Variants in GMDS observed in about 807,000 individuals in gnomAD.
GMDS encodes the protein GDP-mannose 4,6-dehydratase.
Under a neutral mutation model 49.9 loss-of-function variants are expected in GMDS, and 20 were observed. The ratio of observed to expected loss-of-function variants is 0.40; its 90% CI spans 0.28 to 0.58. The LOEUF (loss-of-function observed/expected upper bound fraction) is 0.58. Among genes scored for constraint, GMDS ranks in the 20% least tolerant of loss-of-function variants. The pLI, the probability that GMDS is intolerant of heterozygous loss-of-function variation, is 0.42. For missense variants in GMDS, 362 were observed against 481.4 expected, an observed-to-expected ratio of 0.75 and a Z score of 2.32; for synonymous variants, 177 against 178.6, an observed-to-expected ratio of 0.99 and a Z score of 0.07.
chr6:2,190,896 G>T (rs1417562657), intron 1 of GMDS, among the ~76,000 whole-genome samples: 1 of 152,090 alleles, frequency 6.6e-6, no homozygotes, highest in East Asian at 1.9e-4. Flanking sequence ...AAACTGTGCT[G>T]CCCCCACCCT....
intron 9 of GMDS, among the ~76,000 whole-genome samples, chr6:1,649,663 C>G (rs549608292): frequency 2.0e-5 from 3 of 152,312 alleles, no homozygotes; most frequent in South Asian, 4.1e-4. Context: ...CAAAGGGCAT[C>G]TTTTTCCCTT....
intron 7 of GMDS, 88 bp from the exon 8 acceptor site, chr6:1,742,674 C>A (rs3734740): frequency 1.4e-6 from 1 of 705,946 alleles, no homozygotes; most frequent in Non-Finnish European, 2.5e-6. Context: ...ATATGGACAT[C>A]GACAGCTGGA....
intron 6 of GMDS, among the ~76,000 whole-genome samples, chr6:1,954,092 G>T (rs1270343010): frequency 2.6e-5 from 4 of 152,118 alleles, no homozygotes; most frequent in Non-Finnish European, 5.9e-5. Context: ...GTGGCAAAAA[G>T]AATACTGTAT....
chr6:2,172,483 G>C (rs773764843), intron 1 of GMDS, among the ~76,000 whole-genome samples: 5 of 152,244 alleles, frequency 3.3e-5, no homozygotes, highest in Admixed American at 6.5e-5. Context: ...ACGAGGTCAG[G>C]AGTTCAAAAC....
chr6:1,711,557 T>C (rs1765965628), intron 9 of GMDS, among the ~76,000 whole-genome samples: 1 of 152,224 alleles, frequency 6.6e-6, no homozygotes, highest in Non-Finnish European at 1.5e-5. Flanking sequence ...GGGAAATAAA[T>C]GTACAAACTC....
chr6:1,698,835 G>A (rs1366137746), intron 9 of GMDS, among the ~76,000 whole-genome samples: 1 of 149,860 alleles, frequency 6.7e-6, no homozygotes, highest in Non-Finnish European at 1.5e-5. Flanking sequence ...TCAGGAAGGA[G>A]CAGATAAGTT....
At chr6:1,799,791 A>G (rs915554096) in intron 7 of GMDS, among the ~76,000 whole-genome samples, 1 of 152,160 alleles carries the variant, frequency 6.6e-6, no homozygotes, top group African/African-American at 2.4e-5. Flanking sequence ...AGCCTACGAA[A>G]CAAACTGCGT....
At chr6:2,238,883 CATTT>C (rs1190780538) in intron 1 of GMDS, among the ~76,000 whole-genome samples, 2 of 152,198 alleles carry the variant, frequency 1.3e-5, no homozygotes, top group African/African-American at 4.8e-5. Context: ...TCACTTCATT[CATTT>C]GATATGTCCT....
chr6:1,835,946 G>A lies in GMDS; in HGVS notation c.772-93360C>T, dbSNP rs371189433. On this transcript the variant is annotated intron_variant, in intron 7 of 10. Transcript: ENST00000380815. Reference sequence around the variant, plus strand: ...GTCGCCCAGGCAGGAGTGCAGTAGCGCTATCTGTAGCGCTCACTGTAAGCT... The same window carrying A: ...GTCGCCCAGGCAGGAGTGCAGTAGCACTATCTGTAGCGCTCACTGTAAGCT... Among the ~76,000 whole-genome samples, 15 of 152,066 alleles carry A rather than the reference G, an allele frequency of 9.9e-5. No homozygotes were observed. The South Asian group carries it at 1.7e-3, about 17-fold the overall frequency.
chr6:2,031,590 G>C (rs1229424012), intron 4 of GMDS, among the ~76,000 whole-genome samples: 1 of 152,124 alleles, frequency 6.6e-6, no homozygotes, highest in Non-Finnish European at 1.5e-5. Context: ...CTGAAAATGT[G>C]ATATTTGAGT....
intron 9 of GMDS, among the ~76,000 whole-genome samples, chr6:1,633,842 C>G (rs1381520410): frequency 6.6e-6 from 1 of 152,104 alleles, no homozygotes; most frequent in Non-Finnish European, 1.5e-5. Flanking sequence ...CCCAGCAAAG[C>G]CACGTGGTCA....
At chr6:1,697,621 A>T (rs1765390491) in intron 9 of GMDS, among the ~76,000 whole-genome samples, 1 of 152,210 alleles carries the variant, frequency 6.6e-6, no homozygotes, top group African/African-American at 2.4e-5. Flanking sequence ...GTCACATGAG[A>T]ACTTGTTAGA....
At chr6:1,639,803 G>A (rs929333954) in intron 9 of GMDS, among the ~76,000 whole-genome samples, 5 of 152,164 alleles carry the variant, frequency 3.3e-5, no homozygotes, top group African/African-American at 4.8e-5. Flanking sequence ...GCTTGAGTCC[G>A]GGAGACAGAG....
intron 9 of GMDS, among the ~76,000 whole-genome samples, chr6:1,705,990 G>A (rs1765722304): frequency 6.6e-6 from 1 of 152,182 alleles, no homozygotes; most frequent in Non-Finnish European, 1.5e-5. Flanking sequence ...TTTAGGGTGA[G>A]TTGAATTCGT....
chr6:2,034,427 A>G (rs368816773), intron 4 of GMDS, among the ~76,000 whole-genome samples: 5 of 152,262 alleles, frequency 3.3e-5, no homozygotes, highest in African/African-American at 9.6e-5. Context: ...GTTGGTGCCA[A>G]TGGGTATGAG....
chr6:1,673,791 T>G (rs951531900), intron 9 of GMDS, among the ~76,000 whole-genome samples: 5 of 151,922 alleles, frequency 3.3e-5, no homozygotes, highest in African/African-American at 1.2e-4. Context: ...AATCATACAG[T>G]ACTCAGCTTT....
At chr6:1,734,092 C>T (rs567140493) in intron 8 of GMDS, among the ~76,000 whole-genome samples, 51 of 152,246 alleles carry the variant, frequency 3.3e-4, no homozygotes, top group Middle Eastern at 3.4e-3. Flanking sequence ...AAACGGTGAA[C>T]CCTGGATCTA....
Position 1,834,955 on chromosome 6 carries a change from G to A in GMDS, c.772-92369C>T, listed in dbSNP as rs115309266. On this transcript the variant is annotated intron_variant, in intron 7 of 10. Coordinates refer to ENST00000380815, the MANE Select transcript of GMDS (RefSeq NM_001500.4). ...GTCTCTGAGGGCATTTCAGTTTCACGGAGAATGTTCTTGTACTTTCCTACA... is the reference window on the plus strand; with the variant it reads ...GTCTCTGAGGGCATTTCAGTTTCACAGAGAATGTTCTTGTACTTTCCTACA... Among the ~76,000 whole-genome samples, 1,347 of 152,168 alleles carry A rather than the reference G, an allele frequency of 8.9e-3. 11 individuals are homozygous for A. The highest frequency in any genetic ancestry group is 0.024 in the Middle Eastern group (7 of 294).
chr6:1,656,594 T>C (rs1763888814), intron 9 of GMDS, among the ~76,000 whole-genome samples: 1 of 151,988 alleles, frequency 6.6e-6, no homozygotes, highest in Non-Finnish European at 1.5e-5. Context: ...AAACCCCGTC[T>C]CTACTAAAAA....
Sources: gnomAD v4.1 joint callset for allele counts (sites outside exome capture counted in the v4.1 genomes callset) on GRCh38, gnomAD v4.1.1 for gene constraint, MANE v1.5 for transcripts, NCBI Gene and HGNC (gene_info 2026-07-23, HGNC 2026-07-21) for gene names.